Variants in FER1L6 observed in about 807,000 individuals in gnomAD.
FER1L6 encodes fer-1-like protein 6.
A neutral mutation model predicts 219.2 loss-of-function variants in FER1L6; 177 were observed. The observed-to-expected ratio is 0.81, with a 90% CI of 0.71 to 0.91. The LOEUF (loss-of-function observed/expected upper bound fraction) is 0.91. Ranked by LOEUF, FER1L6 falls within the 40% of genes least tolerant of loss-of-function variation. The pLI is 0.00. For synonymous variants in FER1L6, 768 were observed against 824.3 expected (o/e 0.93, Z 1.17); for missense variants, 2,153 against 2,259.9 (o/e 0.95, Z 0.96).
intron 12 of FER1L6, among the ~76,000 whole-genome samples, chr8:124,000,094 C>T (rs1817334860): frequency 6.6e-6 from 1 of 152,222 alleles, no homozygotes. Context: ...GGTCTAGATG[C>T]TCCCTCCTTG....
intron 2 of FER1L6, among the ~76,000 whole-genome samples, chr8:123,962,215 A>G (rs1020308377): frequency 4.6e-5 from 7 of 152,050 alleles, no homozygotes; most frequent in African/African-American, 1.7e-4. Context: ...ATCAGGAGAA[A>G]GTCACTGAAG....
intron 16 of FER1L6, 145 bp from the exon 17 acceptor site, chr8:124,021,405 G>A: frequency 3.1e-6 from 3 of 957,188 alleles, no homozygotes; most frequent in Non-Finnish European, 4.6e-6. Flanking sequence ...CAAGGAGGCA[G>A]CATGCACGGT....
At chr8:124,087,691 C>T (rs1242579013) in intron 33 of FER1L6, among the ~76,000 whole-genome samples, 1 of 152,082 alleles carries the variant, frequency 6.6e-6, no homozygotes. Flanking sequence ...TCTTTGCAGT[C>T]TGCGCTTGTT....
At position 124,113,892 on chromosome 8, in the gene FER1L6, T is replaced by C. The variant is rs919646639; in HGVS notation, c.5290-4952T>C. On this transcript the variant is annotated intron_variant, in intron 39 of 40. Transcript: ENST00000522917. ...CTATCAGATGGCTCACTATTAGTGA[T>C]GCTGTGTTTGCTCACTTGACTATGT... Among the ~76,000 whole-genome samples, 6 of 152,226 alleles carry C rather than the reference T, an allele frequency of 3.9e-5. No individual in the cohort carries two copies. In the East Asian group the frequency reaches 9.6e-4, roughly 24 times the overall value.
rs185279556 is a variant in FER1L6 at position 123,890,013 on chromosome 8, G to A, written c.-8+37828G>A. ...CCAGAAAGAAAATTAGAGAAATTTGGCTAATTAACATTGCTCATAGTTAAA... is the reference window on the plus strand; with the variant it reads ...CCAGAAAGAAAATTAGAGAAATTTGACTAATTAACATTGCTCATAGTTAAA... On this transcript the variant is annotated intron_variant, in intron 1 of 40. Transcript: ENST00000522917. 4.5e-3 allele frequency among the ~76,000 whole-genome samples: 691 copies of A among 152,104 alleles called. 6 individuals are homozygous for A. The highest frequency in any genetic ancestry group is 0.016 in the African/African-American group (658 of 41,540).
intron 1 of FER1L6, among the ~76,000 whole-genome samples, chr8:123,954,810 C>T (rs556339297): frequency 3.3e-5 from 5 of 152,262 alleles, no homozygotes; most frequent in East Asian, 1.9e-4. Context: ...GTGATTGTTC[C>T]GCTGCTTTTC....
intron 1 of FER1L6, among the ~76,000 whole-genome samples, chr8:123,895,104 G>A (rs1453720469): frequency 6.6e-6 from 1 of 152,110 alleles, no homozygotes; most frequent in African/African-American, 2.4e-5. Context: ...TGAGAAGATT[G>A]CATCATCACT....
intron 32 of FER1L6, among the ~76,000 whole-genome samples, chr8:124,081,118 T>C (rs1821528696): frequency 6.6e-6 from 1 of 152,160 alleles, no homozygotes; most frequent in Non-Finnish European, 1.5e-5. Flanking sequence ...CCTGTGGACA[T>C]GCAGGGAAAT....
chr8:124,030,165 T>A (rs997481692), intron 18 of FER1L6, among the ~76,000 whole-genome samples: 1 of 152,190 alleles, frequency 6.6e-6, no homozygotes, highest in Non-Finnish European at 1.5e-5. Context: ...CATCTTTAAC[T>A]TTTTAAGCCC....
intron 12 of FER1L6, among the ~76,000 whole-genome samples, chr8:123,991,532 T>C: frequency 6.6e-6 from 1 of 152,216 alleles, no homozygotes; most frequent in East Asian, 1.9e-4. Context: ...ATAGCAGTGC[T>C]ACTGATGTGT....
intron 1 of FER1L6, among the ~76,000 whole-genome samples, chr8:123,873,754 G>A (rs1248740838): frequency 6.6e-6 from 1 of 152,116 alleles, no homozygotes; most frequent in African/African-American, 2.4e-5. Context: ...GTCATCTTCT[G>A]TTCTACCACA....
At chr8:123,894,296 C>A (rs906323294) in intron 1 of FER1L6, among the ~76,000 whole-genome samples, 1 of 152,130 alleles carries the variant, frequency 6.6e-6, no homozygotes, top group South Asian at 2.1e-4. Flanking sequence ...CATTTCTTGC[C>A]TACTATATAA....
rs1349523646 is a variant in FER1L6 at position 123,853,580 on chromosome 8, A to C, written c.-8+1395A>C. Among the ~76,000 whole-genome samples the C allele has an allele frequency of 6.6e-6, 1 of 152,196 alleles. No individual in the cohort carries two copies. Among genetic ancestry groups the C allele is most frequent in the African/African-American group, 2.4e-5 (1 of 41,454 alleles). ...TACTTTTTTCCTGGGGTATTGTATT[A>C]ATCAGGGGAGATTTTACAAGGGTGG... On this transcript the variant is annotated intron_variant, in intron 1 of 40. Coordinates refer to ENST00000522917, the MANE Select transcript of FER1L6 (RefSeq NM_001039112.2). This position sits in a 1 kb window ranked among gnomAD's most constrained non-coding sequence, Gnocchi z 6.6.
At chr8:124,104,455 T>A (rs1822679849) in intron 39 of FER1L6, among the ~76,000 whole-genome samples, 1 of 152,186 alleles carries the variant, frequency 6.6e-6, no homozygotes, top group South Asian at 2.1e-4. Context: ...GATGCAATTG[T>A]CCTGATGGAG....
At position 123,996,512 on chromosome 8, in the gene FER1L6, T is replaced by C. The variant is rs558770425; in HGVS notation, c.1520-6655T>C. Among the ~76,000 whole-genome samples, 9 of 152,208 alleles carry C rather than the reference T, an allele frequency of 5.9e-5. No homozygotes were observed. The East Asian group carries it at 1.7e-3, about 29-fold the overall frequency. ...CCTTTTTCATTTTTCTCAGTCTCTA[T>C]GTGTATTTATAAGTGAAGTGTGTTT... On this transcript the variant is annotated intron_variant, in intron 12 of 40. Transcript: ENST00000522917.
chr8:123,964,703 T>C (rs961503033), intron 3 of FER1L6, among the ~76,000 whole-genome samples: 2 of 152,204 alleles, frequency 1.3e-5, no homozygotes, highest in Non-Finnish European at 2.9e-5. Context: ...AATAACAGCC[T>C]TTTTCTTTTT....
At chr8:123,995,471 A>G (rs1287387851) in intron 12 of FER1L6, among the ~76,000 whole-genome samples, 1 of 152,156 alleles carries the variant, frequency 6.6e-6, no homozygotes, top group Non-Finnish European at 1.5e-5. Flanking sequence ...ATAGTTGTTC[A>G]TAGCAGTCTC....
chr8:124,022,080 T>A (rs966853799), intron 17 of FER1L6, among the ~76,000 whole-genome samples: 2 of 152,232 alleles, frequency 1.3e-5, no homozygotes, highest in African/African-American at 4.8e-5. Flanking sequence ...GCCCTCATAT[T>A]TGCATCTGTC....
chr8:123,904,892 A>T (rs1168445808), intron 1 of FER1L6, among the ~76,000 whole-genome samples: 1 of 152,228 alleles, frequency 6.6e-6, no homozygotes, highest in Non-Finnish European at 1.5e-5. Context: ...ATTTATGAAC[A>T]AGTGGTTAAA....
Sources: gnomAD v4.1 joint callset for allele counts (sites outside exome capture counted in the v4.1 genomes callset) on GRCh38, gnomAD v4.1.1 for gene constraint, Gnocchi (gnomAD v3.1) non-coding constraint, MANE v1.5 for transcripts, NCBI Gene and HGNC (gene_info 2026-07-23, HGNC 2026-07-21) for gene names.